Variants in PHEX observed in about 807,000 individuals in gnomAD.
The protein encoded by PHEX is phosphate regulating endopeptidase X-linked, also known as phosphate-regulating neutral endopeptidase PHEX.
In PHEX, 16 loss-of-function variants were observed where a neutral mutation model predicts 68.0. That is an observed-to-expected ratio of 0.24 (90% confidence interval 0.16 to 0.36). The LOEUF (loss-of-function observed/expected upper bound fraction) is 0.36. PHEX is among the 10% of genes least tolerant of loss of function. The pLI is 1.00. For missense variants in PHEX, 480 were observed against 575.5 expected (o/e 0.83, Z 1.70); for synonymous variants, 208 against 205.1 (o/e 1.01, Z -0.12).
At chrX:22,118,339 C>CAAAAAAAAAAA (rs1157170753) in intron 11 of PHEX, among the ~76,000 whole-genome samples, 1 of 21,111 alleles carries the variant, frequency 4.7e-5, no homozygotes, top group African/African-American at 1.7e-4. Flanking sequence ...TAAACAGCAC[C>CAAAAAAAAAAA]AAAAAAAAAA....
intron 15 of PHEX, among the ~76,000 whole-genome samples, chrX:22,199,103 A>C (rs1481554908): frequency 9.0e-6 from 1 of 111,440 alleles, no homozygotes. Flanking sequence ...ACATGTGGGA[A>C]TTATGGGAGC....
chrX:22,232,079 T>G lies in PHEX; in HGVS notation c.2070+4468T>G, dbSNP rs954636462. Among the ~76,000 whole-genome samples, 3 of 112,074 alleles carry G rather than the reference T, an allele frequency of 2.7e-5. No homozygotes were observed. The Admixed American group carries it at 2.8e-4, about 11-fold the overall frequency. ...TCAGTTTCCATGTAGCTGTGTGGTT[T>G]TGAGTGAGTTTCTTAATCCTGAGTT... On this transcript the variant is annotated intron_variant, in intron 20 of 21. Coordinates refer to ENST00000379374, the MANE Select transcript of PHEX (RefSeq NM_000444.6).
At chrX:22,158,134 T>A (rs1933005784) in intron 12 of PHEX, among the ~76,000 whole-genome samples, 1 of 112,233 alleles carries the variant, frequency 8.9e-6, no homozygotes, top group Non-Finnish European at 1.9e-5. Flanking sequence ...TAGCTCCGCT[T>A]AGGGTAATAT....
At chrX:22,076,264 C>A in intron 3 of PHEX, 124 bp from the exon 4 acceptor site, 1 of 524,359 alleles carries the variant, frequency 1.9e-6, no homozygotes, top group Non-Finnish European at 3.4e-6. Context: ...ATAGATTTGT[C>A]TTTTCCAGGG....
rs1933538894 is a variant in PHEX, at chrX:22,171,700, A to G, written c.1482+3311A>G. On this transcript the variant is annotated intron_variant, in intron 13 of 21. Transcript: ENST00000379374. Reference sequence around the variant, plus strand: ...AAAAATAGGTAAAGGATGATATGATAGATTGTAATATTGTCACTGAGGGCA... The same window carrying G: ...AAAAATAGGTAAAGGATGATATGATGGATTGTAATATTGTCACTGAGGGCA... 4 of 111,847 alleles carry G rather than the reference A, an allele frequency of 3.6e-5. No individual in the cohort carries two copies. In the South Asian group the frequency reaches 1.5e-3, roughly 42 times the overall value. 9.2% of individuals were successfully genotyped at this position (111,847 alleles called of 1,213,427 possible). A position where few individuals can be genotyped will look rare whatever the true frequency, so the allele number is the denominator to read the frequency against.
intron 9 of PHEX, among the ~76,000 whole-genome samples, chrX:22,100,927 T>G (rs770472377): frequency 4.9e-4 from 54 of 111,265 alleles, no homozygotes; most frequent in African/African-American, 1.5e-3. Context: ...ATCCCAGCAC[T>G]TTGGGAGGCT....
chrX:22,121,270 G>A lies in PHEX; in HGVS notation c.1302+6684G>A, dbSNP rs755008803. Among the ~76,000 whole-genome samples the A allele has an allele frequency of 7.1e-5, 8 of 112,220 alleles. No individual in the cohort carries two copies. In the East Asian group the frequency reaches 2.2e-3, roughly 31 times the overall value. ...ATAGCTGGAGATTTATAGCCAGTGA[G>A]GAGAATGAGGGGGTCAGTGGATGGA... On this transcript the variant is annotated intron_variant, in intron 11 of 21. Coordinates refer to ENST00000379374, the MANE Select transcript of PHEX (RefSeq NM_000444.6).
In PHEX at chrX:22,182,589, G is replaced by A. The variant is rs764646224; in HGVS notation, c.1586+4213G>A. On this transcript the variant is annotated intron_variant, in intron 14 of 21. Transcript: ENST00000379374. ...CCTGGATTTTGGTTCTTATGAAGAT[G>A]CTTTGTGTGTGTGTGTGTGTGTGTG... Among the ~76,000 whole-genome samples, 4 of 98,776 alleles carry A rather than the reference G, an allele frequency of 4.0e-5. No individual in the cohort carries two copies. In the South Asian group the frequency reaches 1.6e-3, roughly 40 times the overall value. 85.8% of individuals were successfully genotyped at this position (98,776 alleles called of 115,157 possible).
intron 15 of PHEX, among the ~76,000 whole-genome samples, chrX:22,205,675 TTAA>T (rs1260331054): frequency 3.2e-4 from 30 of 94,015 alleles, no homozygotes; most frequent in Non-Finnish European, 6.1e-4. Context: ...TAATACTTTA[TTAA>T]TATTAAATTA....
At chrX:22,043,496 T>A (rs1273682315) in intron 2 of PHEX, among the ~76,000 whole-genome samples, 3 of 110,908 alleles carry the variant, frequency 2.7e-5, no homozygotes, top group Non-Finnish European at 5.6e-5. Flanking sequence ...AGACACAGGT[T>A]AAATCACCTG....
At chrX:22,062,657 G>A (rs1209282962) in intron 3 of PHEX, among the ~76,000 whole-genome samples, 1 of 111,365 alleles carries the variant, frequency 9.0e-6, no homozygotes, top group African/African-American at 3.3e-5. Context: ...GCTGTGCAGT[G>A]GAATTACTAG....
chrX:22,066,187 T>A (rs1928593202), intron 3 of PHEX, among the ~76,000 whole-genome samples: 1 of 111,969 alleles, frequency 8.9e-6, no homozygotes, highest in South Asian at 3.7e-4. Context: ...TTGAGGGATG[T>A]AATGAGCGAT....
intron 18 of PHEX, among the ~76,000 whole-genome samples, chrX:22,222,327 A>G (rs1264318265): frequency 3.6e-5 from 4 of 112,122 alleles, no homozygotes; most frequent in Non-Finnish European, 7.5e-5. Context: ...CATCTGGAGT[A>G]TATGTTGCTT....
At chrX:22,122,653 G>T (rs1931536536) in intron 11 of PHEX, among the ~76,000 whole-genome samples, 1 of 111,999 alleles carries the variant, frequency 8.9e-6, no homozygotes, top group African/African-American at 3.2e-5. Context: ...AGCAGTTACT[G>T]CTGATGCATC....
intron 20 of PHEX, among the ~76,000 whole-genome samples, chrX:22,235,259 G>T (rs748375135): frequency 8.9e-6 from 1 of 111,938 alleles, no homozygotes; most frequent in East Asian, 2.8e-4. Context: ...CATTGATTTC[G>T]CTGGGAGCTG....
At chrX:22,179,982 G>C (rs1416497251) in intron 14 of PHEX, among the ~76,000 whole-genome samples, 1 of 107,252 alleles carries the variant, frequency 9.3e-6, no homozygotes, top group Non-Finnish European at 1.9e-5. Flanking sequence ...AGCAACTCTG[G>C]ATTCTGATTT....
intron 5 of PHEX, among the ~76,000 whole-genome samples, chrX:22,079,976 A>G (rs1329545570): frequency 9.0e-6 from 1 of 111,464 alleles, no homozygotes; most frequent in Non-Finnish European, 1.9e-5. Context: ...TATCAGACCG[A>G]TATCACCTGA....
chrX:22,223,537 G>C (rs775503477), intron 18 of PHEX, among the ~76,000 whole-genome samples: 1 of 111,740 alleles, frequency 8.9e-6, no homozygotes, highest in East Asian at 2.8e-4. Context: ...TTGAACCTAG[G>C]ATTTTGATAC....
chrX:22,242,439 A>AGG (rs1270088201), intron 20 of PHEX, among the ~76,000 whole-genome samples: 1 of 111,418 alleles, frequency 9.0e-6, no homozygotes, highest in East Asian at 2.8e-4. Flanking sequence ...GCAATCAGGC[A>AGG]AGAGAAATAA....
Sources: gnomAD v4.1 joint callset for allele counts (sites outside exome capture counted in the v4.1 genomes callset) on GRCh38, gnomAD v4.1.1 for gene constraint, MANE v1.5 for transcripts, NCBI Gene and HGNC (gene_info 2026-07-23, HGNC 2026-07-21) for gene names.